COP1: variants seen among roughly 807,000 people sequenced by gnomAD.
COP1 encodes the protein COP1 E3 ubiquitin ligase.
In COP1, 24 loss-of-function variants were observed where a neutral mutation model predicts 101.3. The observed-to-expected ratio is 0.24, with a 90% CI of 0.17 to 0.33. The LOEUF (loss-of-function observed/expected upper bound fraction) is 0.33, where lower values mean the gene tolerates loss of function less well. COP1 is among the 10% of genes least tolerant of loss of function. The pLI is 1.00. For synonymous variants in COP1, 347 were observed against 341.9 expected (o/e 1.01, Z -0.17); for missense variants, 663 against 906.2 (o/e 0.73, Z 3.45).
chr1:176,143,150 G>GAGAGAGAA (rs1691013310), intron 6 of COP1, among the ~76,000 whole-genome samples: 1 of 151,432 alleles, frequency 6.6e-6, no homozygotes. Context: ...GAGAGAAAGA[G>GAGAGAGAA]AGAGAGAGAG....
chr1:176,132,626 CACAT>C (rs1689097039), intron 8 of COP1, among the ~76,000 whole-genome samples: 1 of 66,060 alleles, frequency 1.5e-5, no homozygotes, highest in Admixed American at 1.8e-4. Flanking sequence ...TATATATACA[CACAT>C]ATACACATAT....
At chr1:176,145,579 A>G (rs1225747595) in intron 6 of COP1, among the ~76,000 whole-genome samples, 6 of 152,158 alleles carry the variant, frequency 3.9e-5, no homozygotes, top group African/African-American at 1.4e-4. Flanking sequence ...TTTTGCCAAC[A>G]GCCCCAAACT....
chr1:176,158,313 AAAAGT>A (rs1254568563), intron 5 of COP1, among the ~76,000 whole-genome samples: 1 of 152,186 alleles, frequency 6.6e-6, no homozygotes, highest in Non-Finnish European at 1.5e-5. Flanking sequence ...TTTCAAACAC[AAAAGT>A]AAAATAAAGA....
intron 14 of COP1, among the ~76,000 whole-genome samples, chr1:176,042,800 A>G (rs952938930): frequency 2.0e-4 from 30 of 148,738 alleles, no homozygotes; most frequent in Non-Finnish European, 4.0e-4. Flanking sequence ...CGAGGCAGCA[A>G]GGCAGATCAC....
chr1:175,992,255 T>C (rs1405545563), intron 15 of COP1, among the ~76,000 whole-genome samples: 1 of 151,912 alleles, frequency 6.6e-6, no homozygotes, highest in South Asian at 2.1e-4. Flanking sequence ...AAATGTACAA[T>C]GGGAGGTGGA....
chr1:176,064,393 A>G (rs1392594880), intron 11 of COP1, among the ~76,000 whole-genome samples: 1 of 152,224 alleles, frequency 6.6e-6, no homozygotes, highest in Non-Finnish European at 1.5e-5. Context: ...GCTCAAAAAT[A>G]TTAGTTCAGT....
chr1:176,126,595 T>C (rs1387866462), intron 8 of COP1, among the ~76,000 whole-genome samples: 1 of 152,114 alleles, frequency 6.6e-6, no homozygotes, highest in Non-Finnish European at 1.5e-5. Flanking sequence ...TAGCTGGGAA[T>C]GCAGGTACGC....
chr1:176,066,084 T>C (rs1675914224), intron 11 of COP1, among the ~76,000 whole-genome samples: 1 of 152,140 alleles, frequency 6.6e-6, no homozygotes, highest in Non-Finnish European at 1.5e-5. Context: ...TACATAAGTC[T>C]TTCAAGACTA....
intron 15 of COP1, among the ~76,000 whole-genome samples, chr1:176,003,899 T>C (rs1398028370): frequency 6.6e-6 from 1 of 152,136 alleles, no homozygotes; most frequent in East Asian, 1.9e-4. Flanking sequence ...AAGGCGTTGG[T>C]AGCTTGATGG....
chr1:176,097,383 T>G (rs1475365413), intron 9 of COP1, among the ~76,000 whole-genome samples: 1 of 152,132 alleles, frequency 6.6e-6, no homozygotes, highest in East Asian at 1.9e-4. Context: ...TATGCCTGTT[T>G]GTTAGGCCTT....
intron 9 of COP1, among the ~76,000 whole-genome samples, chr1:176,103,000 G>A (rs1683669527): frequency 6.6e-6 from 1 of 152,180 alleles, no homozygotes; most frequent in Non-Finnish European, 1.5e-5. Context: ...AATGCTTGGG[G>A]AGACTGATTT....
intron 1 of COP1, among the ~76,000 whole-genome samples, chr1:176,198,545 T>C (rs1435784818): frequency 6.6e-6 from 1 of 152,172 alleles, no homozygotes; most frequent in Admixed American, 6.5e-5. Flanking sequence ...TCATGTTAGA[T>C]AACTTCTTAG....
Position 176,206,626 on chromosome 1 carries a change from G to C in COP1, c.353C>G (p.Pro118Arg). ...GGAGTTGATGAGCCCGTTGCAGAGG[G>C]GGGCGAGGAGAGGTCGCTTCCTGCT... ...SGSRKRPLLA[P>R]LCNGLINSYE... is the part of the protein sequence containing the mutation. The change falls in exon 1 of 20, where the codon CCC becomes CGC. Residue 118 changes from proline (P) to arginine (R), a missense_variant. Coordinates refer to ENST00000367669, the MANE Select transcript of COP1 (RefSeq NM_022457.7). The C allele has an allele frequency of 1.2e-6, 2 of 1,612,190 alleles. No homozygotes were observed. Among genetic ancestry groups the C allele is most frequent in the South Asian group, 1.1e-5 (1 of 91,086 alleles).
intron 9 of COP1, among the ~76,000 whole-genome samples, chr1:176,110,646 CAAAAAACA>C (rs919482389): frequency 2.6e-5 from 4 of 151,622 alleles, no homozygotes; most frequent in African/African-American, 9.7e-5. Flanking sequence ...ATGTTTAAAA[CAAAAAACA>C]AAAAAACAAA....
At chr1:175,967,168 G>A (rs914058310) in intron 18 of COP1, among the ~76,000 whole-genome samples, 1 of 152,098 alleles carries the variant, frequency 6.6e-6, no homozygotes, top group Non-Finnish European at 1.5e-5. Context: ...AAGAAATATG[G>A]GATTTCAGAA....
At chr1:176,185,501 G>C (rs1698331994) in intron 1 of COP1, among the ~76,000 whole-genome samples, 1 of 152,126 alleles carries the variant, frequency 6.6e-6, no homozygotes, top group South Asian at 2.1e-4. Context: ...ACTTAGGATT[G>C]GCTATATGAT....
At chr1:176,153,036 T>C (rs1181480361) in intron 5 of COP1, among the ~76,000 whole-genome samples, 1 of 152,112 alleles carries the variant, frequency 6.6e-6, no homozygotes, top group Non-Finnish European at 1.5e-5. Flanking sequence ...TTCCAAAGCG[T>C]ATGTGGACAC....
chr1:176,050,474 A>G (rs1672347383), intron 11 of COP1, among the ~76,000 whole-genome samples: 1 of 152,234 alleles, frequency 6.6e-6, no homozygotes, highest in Non-Finnish European at 1.5e-5. Flanking sequence ...AGCCCAACTT[A>G]TATCAAATTA....
At chr1:176,140,715 T>C (rs1690544689) in intron 6 of COP1, among the ~76,000 whole-genome samples, 1 of 152,292 alleles carries the variant, frequency 6.6e-6, no homozygotes, top group East Asian at 1.9e-4. Flanking sequence ...TTCAAGAAGC[T>C]GAACTGCTAT....
Sources: gnomAD v4.1 joint callset for allele counts (sites outside exome capture counted in the v4.1 genomes callset) on GRCh38, gnomAD v4.1.1 for gene constraint, MANE v1.5 for transcripts, NCBI Gene and HGNC (gene_info 2026-07-23, HGNC 2026-07-21) for gene names.